The following SNAPC4 variants were observed in gnomAD, a reference collection of about 807,000 sequenced individuals.
SNAPC4 encodes snRNA-activating protein complex subunit 4.
A neutral mutation model predicts 151.3 loss-of-function variants in SNAPC4; 127 were observed. The ratio of observed to expected loss-of-function variants is 0.84; its 90% CI spans 0.73 to 0.97. The LOEUF is 0.97. SNAPC4 is among the 50% of genes least tolerant of loss of function. The pLI is 0.00. For synonymous variants in SNAPC4, 1,002 were observed against 824.4 expected, an observed-to-expected ratio of 1.22 and a Z score of -3.69; for missense variants, 2,186 against 1,935.0, an observed-to-expected ratio of 1.13 and a Z score of -2.43.
In SNAPC4 at chr9:136,381,904, AGCAGCAGCCT is replaced by A. The variant is rs1833707805; in HGVS notation, c.2227_2236del (p.Arg743TrpfsTer3). ...GTCCCCTACCCAAGGGGTCACAGCCAGCAGCAGCCTGCGGTTCAGGAGCCTCCGGTGCAGA... is the reference window on the plus strand; with the variant it reads ...GTCCCCTACCCAAGGGGTCACAGCCAGCGGTTCAGGAGCCTCCGGTGCAGA... On this transcript the variant is annotated frameshift_variant, in exon 18 of 24. Transcript: ENST00000684778. LOFTEE classifies it high-confidence loss of function. The A allele has an allele frequency of 6.2e-7, 1 of 1,612,888 alleles. No homozygotes were observed. The highest frequency in any genetic ancestry group is 1.7e-5 in the Admixed American group (1 of 59,996).
intron 20 of SNAPC4, among the ~76,000 whole-genome samples, chr9:136,380,307 G>GT (rs931012926): frequency 5.3e-5 from 8 of 152,108 alleles, no homozygotes; most frequent in Admixed American, 5.2e-4. Context: ...GAGGCGGGGG[G>GT]GCTGGAAGCA....
intron 13 of SNAPC4, 146 bp downstream of exon 13, chr9:136,387,339 A>G (rs928641236): frequency 2.9e-6 from 2 of 699,230 alleles, no homozygotes; most frequent in Admixed American, 4.0e-5. Flanking sequence ...AGCCCACACC[A>G]GAGTGCACCT....
chr9:136,398,227 C>A, intron 2 of SNAPC4, 72 bp downstream of exon 2: 1 of 1,520,798 alleles, frequency 6.6e-7, no homozygotes, highest in Non-Finnish European at 8.9e-7. Flanking sequence ...CCCTAATGTG[C>A]CTGAGAGGAA....
chr9:136,388,676 G>A (rs1019456899), intron 10 of SNAPC4, 85 bp from the exon 11 acceptor site: 4 of 1,541,592 alleles, frequency 2.6e-6, no homozygotes, highest in Non-Finnish European at 3.6e-6. Context: ...GGGCACAGGT[G>A]GGCCCATGAG....
chr9:136,383,821 G>A lies in SNAPC4; in HGVS notation c.1500+132C>T. The A allele has an allele frequency of 1.5e-6, 2 of 1,350,376 alleles. No homozygotes were observed. The highest frequency in any genetic ancestry group is 2.1e-6 in the Non-Finnish European group (2 of 962,278). The allele number at this position is 1,350,376 out of a possible 1,614,324, so 83.6% of individuals were successfully genotyped here. On this transcript the variant is annotated intron_variant, in intron 15 of 23. Transcript: ENST00000684778. The surrounding 1 kb of genome is among the most constrained non-coding windows in gnomAD (Gnocchi z 4.2). ...CGAGGCAGGGTCTCCCTTTGCCCTT[G>A]GCCACCCAGAAGAAGAAATGCCAAG...
intron 1 of SNAPC4, among the ~76,000 whole-genome samples, chr9:136,399,687 C>T (rs539076367): frequency 1.2e-4 from 18 of 152,352 alleles, no homozygotes; most frequent in Admixed American, 4.6e-4. Flanking sequence ...GCCACCCAGA[C>T]TCGGCTGGGC....
Position 136,382,240 on chromosome 9 carries a change from C to CA in SNAPC4, c.2067+12dup. 1 of 1,611,798 alleles carries CA rather than the reference C, an allele frequency of 6.2e-7. No homozygotes were observed. The highest frequency in any genetic ancestry group is 8.5e-7 in the Non-Finnish European group (1 of 1,179,576). ...GTGGTGGCGTGCGCGTGGGTGTCTG[C>CA]AGCAGGCCTCACCTGTGTGCAGCTC... On this transcript the variant is annotated intron_variant, in intron 17 of 23. Transcript: ENST00000684778.
At chr9:136,390,595 A>G (rs1379058681) in intron 10 of SNAPC4, among the ~76,000 whole-genome samples, 1 of 150,212 alleles carries the variant, frequency 6.7e-6, no homozygotes, top group Non-Finnish European at 1.5e-5. Flanking sequence ...AAAAAGAGCT[A>G]ATGAGCTAAC....
chr9:136,388,835 G>A (rs202081263), intron 10 of SNAPC4, among the ~76,000 whole-genome samples: 1 of 110,388 alleles, frequency 9.1e-6, no homozygotes, highest in Admixed American at 1.0e-4. Context: ...CTTCACTTAA[G>A]AAAATATTAA....
chr9:136,378,312 G>A lies in SNAPC4; in HGVS notation c.3515C>T (p.Ala1172Val), dbSNP rs1451794270. 5.0e-6 allele frequency: 8 copies of A among 1,604,134 alleles called. No individual in the cohort carries two copies. The East Asian group carries it at 1.1e-4, about 22-fold the overall frequency. Residue 1172 changes from alanine to valine, a missense_variant, in exon 22 of 24, where the codon GCC (alanine) becomes GTC (valine). Physicochemically the swap from Ala to Val is moderately conservative, Grantham distance 64. Transcript: ENST00000684778. ...CACCTGGGCCTCTCCAGGGACAAAG[G>A]CCACACTGCCATCCGCTTCTGCAGG... ...QSPAEADGSV[A>V]FVPGEAQVAR...
chr9:136,377,101 G>A (rs1833473912), intron 22 of SNAPC4, among the ~76,000 whole-genome samples: 1 of 152,214 alleles, frequency 6.6e-6, no homozygotes, highest in South Asian at 2.1e-4. Context: ...GACACTCAGA[G>A]AGGTGACAGC....
intron 22 of SNAPC4, among the ~76,000 whole-genome samples, chr9:136,376,834 C>G (rs909207056): frequency 6.6e-6 from 1 of 152,220 alleles, no homozygotes; most frequent in Non-Finnish European, 1.5e-5. Flanking sequence ...CTTCCTCCCA[C>G]ACTTCAGCCC....
At chr9:136,376,570 G>T in intron 22 of SNAPC4, 89 bp from the exon 23 acceptor site, 1 of 1,511,330 alleles carries the variant, frequency 6.6e-7, no homozygotes, top group Non-Finnish European at 9.1e-7. Flanking sequence ...GGGGCCCTGT[G>T]GGTGAGTGTC....
chr9:136,388,598 AG>A lies in SNAPC4; in HGVS notation c.976-8del. 2 of 1,613,858 alleles carry A rather than the reference AG, an allele frequency of 1.2e-6. No individual in the cohort carries two copies. Among genetic ancestry groups the A allele is most frequent in the Non-Finnish European group, 1.7e-6 (2 of 1,179,988 alleles). On this transcript the variant is annotated splice_region_variant and splice_polypyrimidine_tract_variant and intron_variant, in intron 10 of 23. Coordinates refer to ENST00000684778, the MANE Select transcript of SNAPC4 (RefSeq NM_003086.4). ...GGAAGGCGCTGCGGCTGGTCTTCCC[AG>A]GCCCAAACAAAAGCAAATGAGTGTT...
At chr9:136,400,056 G>A (rs1286148429) in intron 1 of SNAPC4, 78 bp downstream of exon 1, 1 of 152,128 alleles carries the variant, frequency 6.6e-6, no homozygotes, top group Non-Finnish European at 1.5e-5. Context: ...CCGCTCCTCG[G>A]GACAGCGCCC....
intron 22 of SNAPC4, 35 bp downstream of exon 22, chr9:136,377,508 T>C (rs749812687): frequency 1.3e-6 from 2 of 1,498,436 alleles, no homozygotes; most frequent in Middle Eastern, 1.8e-4. Flanking sequence ...GACCGCCGCC[T>C]GCCATGGGGA....
chr9:136,395,448 C>T, intron 4 of SNAPC4, 25 bp from the exon 5 acceptor site: 1 of 1,607,788 alleles, frequency 6.2e-7, no homozygotes, highest in South Asian at 1.1e-5. Context: ...AGGCAGGGAC[C>T]CCTCTATGGA....
Position 136,383,910 on chromosome 9 carries a change from G to C in SNAPC4, c.1500+43C>G. 6.5e-7 allele frequency: 1 copy of C among 1,535,424 alleles called. No individual in the cohort carries two copies. Among genetic ancestry groups the C allele is most frequent in the Non-Finnish European group, 9.0e-7 (1 of 1,109,516 alleles). On this transcript the variant is annotated intron_variant, in intron 15 of 23. Transcript: ENST00000684778. The surrounding 1 kb of genome is among the most constrained non-coding windows in gnomAD (Gnocchi z 4.2). ...GCCTGCTGGACCCCCCAGTTGACCA[G>C]GCCATTGTCTGGTTTCAGATAAAGA...
rs777913079 is a variant in SNAPC4 at position 136,378,453 on chromosome 9, G to A, written c.3374C>T (p.Pro1125Leu). Residue 1125 changes from proline to leucine, a missense_variant, in exon 22 of 24, where the codon CCC (proline) becomes CTC (leucine). Physicochemically the swap from Pro to Leu is moderately conservative, Grantham distance 98. Coordinates refer to ENST00000684778, the MANE Select transcript of SNAPC4 (RefSeq NM_003086.4). ...PLTETRAAQG[P>L]RAPALSSSWQ... Reference sequence around the variant, plus strand: ...AGAGCTGCTCAACGCTGGGGCCCTGGGGCCCTGGGCCGCCCGAGTCTCAGT... The same window carrying A: ...AGAGCTGCTCAACGCTGGGGCCCTGAGGCCCTGGGCCGCCCGAGTCTCAGT... 2.5e-6 allele frequency: 4 copies of A among 1,588,882 alleles called. No individual in the cohort carries two copies. The highest frequency in any genetic ancestry group is 2.6e-6 in the Non-Finnish European group (3 of 1,171,650).
Sources: allele counts gnomAD v4.1 joint callset (sites outside exome capture counted in the v4.1 genomes callset), GRCh38; gene constraint gnomAD v4.1.1; non-coding constraint Gnocchi (gnomAD v3.1); transcripts MANE v1.5; gene names NCBI Gene and HGNC (gene_info 2026-07-23, HGNC 2026-07-21).